The following RFX4 variants were observed in gnomAD, a reference collection of about 807,000 sequenced individuals.
RFX4 encodes the protein regulatory factor X4.
Under a neutral mutation model 95.0 loss-of-function variants are expected in RFX4, and 10 were observed. The ratio of observed to expected loss-of-function variants is 0.11; its 90% confidence interval spans 0.06 to 0.18. The LOEUF is 0.18. Ranked by LOEUF, RFX4 falls within the 10% of genes least tolerant of loss-of-function variation. The probability of loss-of-function intolerance (pLI) is 1.00; values close to 1 mark genes in which losing one functional copy is unlikely to be tolerated. For synonymous variants in RFX4, 321 were observed against 340.7 expected (o/e 0.94, Z 0.64); for missense variants, 640 against 922.0 (o/e 0.69, Z 3.96).
chr12:106,687,024 A>G lies in RFX4; in HGVS notation c.518A>G (p.Lys173Arg), dbSNP rs772283255. Residue 173 changes from lysine to arginine, a missense_variant, in exon 6 of 18, where the codon AAA becomes AGA. Around this residue, in one of 7 missense-constraint regions of RFX4, gnomAD observed 89 missense variants for 173.8 expected, o/e 0.51. Coordinates refer to ENST00000392842, the MANE Select transcript of RFX4 (RefSeq NM_213594.3). The part of the protein sequence containing the change: ...KQTVAYSPRS[K>R]LGTLLPEFPN... ...ACAGTGGCATATTCACCCCGGTCCA[A>G]ACTCGGAACACTGCTGCCAGAATTT... is the stretch of plus-strand genomic sequence containing the variant. The G allele has an allele frequency of 6.2e-7, 1 of 1,614,022 alleles. No individual in the cohort carries two copies.
At chr12:106,745,709 G>A (rs909053931) in intron 15 of RFX4, among the ~76,000 whole-genome samples, 1 of 152,136 alleles carries the variant, frequency 6.6e-6, no homozygotes, top group Admixed American at 6.5e-5. Flanking sequence ...AGAAAATACA[G>A]AATGGGAGAT....
chr12:106,654,163 G>T (rs972296407), intron 3 of RFX4, 65 bp from the exon 4 acceptor site: 2 of 1,607,718 alleles, frequency 1.2e-6, no homozygotes, highest in African/African-American at 2.7e-5. Flanking sequence ...GGACTAGAAA[G>T]AACAGACCGT....
chr12:106,628,589 G>C (rs955474258), intron 2 of RFX4, among the ~76,000 whole-genome samples: 5 of 151,966 alleles, frequency 3.3e-5, no homozygotes, highest in African/African-American at 1.2e-4. Flanking sequence ...AGATAATACA[G>C]CCATATGGTC....
At chr12:106,650,739 A>G (rs1018876482) in intron 3 of RFX4, among the ~76,000 whole-genome samples, 4 of 152,138 alleles carry the variant, frequency 2.6e-5, no homozygotes, top group Non-Finnish European at 5.9e-5. Flanking sequence ...AAAGAAAAAA[A>G]AAAAGTCTAA....
At chr12:106,648,342 G>A (rs1017634904) in intron 3 of RFX4, among the ~76,000 whole-genome samples, 1 of 152,146 alleles carries the variant, frequency 6.6e-6, no homozygotes, top group African/African-American at 2.4e-5. Context: ...CAGTTGGCTG[G>A]AAAGAGGTAT....
At chr12:106,652,486 T>C (rs191154448) in intron 3 of RFX4, among the ~76,000 whole-genome samples, 11 of 152,298 alleles carry the variant, frequency 7.2e-5, no homozygotes, top group Admixed American at 6.5e-4. Flanking sequence ...ACCTCAATGA[T>C]GCAGAATTGA....
At chr12:106,735,525 G>A (rs1260829070) in intron 15 of RFX4, among the ~76,000 whole-genome samples, 1 of 152,138 alleles carries the variant, frequency 6.6e-6, no homozygotes, top group Non-Finnish European at 1.5e-5. Context: ...CAAAGAAAAT[G>A]TATATAACTT....
chr12:106,597,812 A>T (rs2039643945), intron 1 of RFX4, among the ~76,000 whole-genome samples: 1 of 152,188 alleles, frequency 6.6e-6, no homozygotes, highest in Non-Finnish European at 1.5e-5. Context: ...GTGAGCTATG[A>T]TGGTGCCACT....
intron 4 of RFX4, among the ~76,000 whole-genome samples, chr12:106,662,543 A>G (rs2041095551): frequency 1.3e-5 from 2 of 152,166 alleles, no homozygotes; most frequent in African/African-American, 2.4e-5. Flanking sequence ...TGTCTTTCAC[A>G]GAGCATAAAA....
At chr12:106,678,594 CA>C (rs1354756596) in intron 4 of RFX4, among the ~76,000 whole-genome samples, 1 of 152,084 alleles carries the variant, frequency 6.6e-6, no homozygotes, top group Non-Finnish European at 1.5e-5. Flanking sequence ...TTTCTATTTG[CA>C]AAAAACAAAA....
chr12:106,594,537 G>A (rs1411771477), intron 1 of RFX4, among the ~76,000 whole-genome samples: 2 of 152,208 alleles, frequency 1.3e-5, no homozygotes, highest in African/African-American at 4.8e-5. Flanking sequence ...GGTTTCCTCT[G>A]GGTGCCCAGG....
chr12:106,613,116 TATC>T (rs570734329), intron 2 of RFX4, among the ~76,000 whole-genome samples: 6 of 151,922 alleles, frequency 3.9e-5, no homozygotes, highest in Middle Eastern at 3.4e-3. Context: ...TGAGTGCTTT[TATC>T]ATAAAATGGT....
At chr12:106,706,838 A>G (rs2042095461) in intron 8 of RFX4, among the ~76,000 whole-genome samples, 1 of 152,274 alleles carries the variant, frequency 6.6e-6, no homozygotes. Context: ...TGGGAGAAAT[A>G]GAAAAGTCTG....
chr12:106,643,509 G>A (rs546492219), intron 3 of RFX4, among the ~76,000 whole-genome samples: 86 of 152,306 alleles, frequency 5.6e-4, no homozygotes, highest in Non-Finnish European at 1.1e-3. Context: ...AGCTGCACAT[G>A]TATCATCTTT....
rs554468093 is a variant in RFX4 at position 106,748,243 on chromosome 12, C to T, written c.1796+644C>T. ...TGTTCCTCCCTCTTTACTCCTTTAACGCCTCAGCTGAAAACCCCTTTCAGC... is the reference window on the plus strand; with the variant it reads ...TGTTCCTCCCTCTTTACTCCTTTAATGCCTCAGCTGAAAACCCCTTTCAGC... On this transcript the variant is annotated intron_variant, in intron 16 of 17. Transcript: ENST00000392842. 2.6e-5 allele frequency among the ~76,000 whole-genome samples: 4 copies of T among 152,306 alleles called. No individual in the cohort carries two copies. In the South Asian group the frequency reaches 8.3e-4, roughly 32 times the overall value.
chr12:106,687,151 C>G (rs959358533), intron 6 of RFX4, 54 bp downstream of exon 6: 33 of 1,391,764 alleles, frequency 2.4e-5, no homozygotes, highest in Middle Eastern at 2.4e-4. Flanking sequence ...CTCTTTCTCT[C>G]TCTCTCTCTG....
At chr12:106,601,797 G>A (rs1482308593) in intron 1 of RFX4, among the ~76,000 whole-genome samples, 1 of 152,146 alleles carries the variant, frequency 6.6e-6, no homozygotes, top group Non-Finnish European at 1.5e-5. Context: ...GTCACAGGTC[G>A]GCGAACTCTT....
chr12:106,703,470 G>C (rs771239067), intron 8 of RFX4, among the ~76,000 whole-genome samples: 7 of 152,092 alleles, frequency 4.6e-5, no homozygotes, highest in African/African-American at 7.2e-5. Flanking sequence ...TATTATATAC[G>C]TAGGAGCCAT....
chr12:106,745,287 C>A (rs2042871144), intron 15 of RFX4, among the ~76,000 whole-genome samples: 1 of 152,146 alleles, frequency 6.6e-6, no homozygotes, highest in Non-Finnish European at 1.5e-5. Context: ...GGGTGTGTGA[C>A]AAGCACTCAG....
Sources: gnomAD v4.1 joint callset for allele counts (sites outside exome capture counted in the v4.1 genomes callset) on GRCh38, gnomAD v4.1.1 for gene constraint, gnomAD v4.1.1 regional missense constraint, MANE v1.5 for transcripts, NCBI Gene and HGNC (gene_info 2026-07-23, HGNC 2026-07-21) for gene names.